The following DLGAP1 variants were observed in gnomAD, a reference collection of about 807,000 sequenced individuals.
DLGAP1 encodes disks large-associated protein 1.
Under a neutral mutation model 90.8 loss-of-function variants are expected in DLGAP1, and 11 were observed. That is an observed-to-expected ratio of 0.12 (90% CI 0.08 to 0.20). The LOEUF (loss-of-function observed/expected upper bound fraction) is 0.20, where lower values mean the gene tolerates loss of function less well. DLGAP1 is among the 10% of genes least tolerant of loss of function. DLGAP1 has a pLI of 1.00. For missense variants in DLGAP1, 1,050 were observed against 1,333.8 expected, an observed-to-expected ratio of 0.79 and a Z score of 3.31; for synonymous variants, 558 against 540.7, an observed-to-expected ratio of 1.03 and a Z score of -0.44.
intron 1 of DLGAP1, among the ~76,000 whole-genome samples, chr18:4,348,844 T>C (rs758106544): frequency 3.9e-5 from 6 of 152,120 alleles, no homozygotes; most frequent in Non-Finnish European, 7.4e-5. Flanking sequence ...CTTGAGTCCA[T>C]ACCACCAATA....
At chr18:3,646,650 C>T (rs1416206742) in intron 7 of DLGAP1, among the ~76,000 whole-genome samples, 1 of 151,896 alleles carries the variant, frequency 6.6e-6, no homozygotes, top group African/African-American at 2.4e-5. Context: ...AACAGCCGGG[C>T]ACGGTGGCTC....
chr18:3,824,488 T>C (rs2067600424), intron 4 of DLGAP1, among the ~76,000 whole-genome samples: 1 of 152,232 alleles, frequency 6.6e-6, no homozygotes, highest in African/African-American at 2.4e-5. Context: ...TAACAAATAG[T>C]ATAGCTAGAG....
intron 1 of DLGAP1, among the ~76,000 whole-genome samples, chr18:4,251,736 C>T (rs985897532): frequency 1.3e-5 from 2 of 152,180 alleles, no homozygotes; most frequent in African/African-American, 4.8e-5. Context: ...GACTCCCACT[C>T]TATAGTGAGC....
intron 9 of DLGAP1, among the ~76,000 whole-genome samples, chr18:3,550,934 GTTTCACCA>G (rs1402625172): frequency 6.6e-6 from 1 of 151,546 alleles, no homozygotes; most frequent in Non-Finnish European, 1.5e-5. Flanking sequence ...TAGAGACAGG[GTTTCACCA>G]TGTTGGCCAG....
intron 1 of DLGAP1, among the ~76,000 whole-genome samples, chr18:4,261,335 TC>T (rs1450065064): frequency 6.6e-6 from 1 of 152,080 alleles, no homozygotes; most frequent in Non-Finnish European, 1.5e-5. Context: ...TGACCTGGCT[TC>T]CCCCATCCTC....
rs545564894 is a variant in DLGAP1 at position 4,390,779 on chromosome 18, G to A, written c.-267+64227C>T. 2.6e-5 allele frequency among the ~76,000 whole-genome samples: 4 copies of A among 152,188 alleles called. No individual in the cohort carries two copies. The East Asian group carries it at 7.8e-4, about 30-fold the overall frequency. On this transcript the variant is annotated intron_variant, in intron 1 of 12. Transcript: ENST00000315677. ...CATCTTGGTTGCCTCCCAGTTTTTG[G>A]CAGTTATGAATAAAATTTCTATAAA... is the stretch of plus-strand genomic sequence containing the variant.
chr18:4,384,551 T>A (rs796843131), intron 1 of DLGAP1, among the ~76,000 whole-genome samples: 2 of 152,160 alleles, frequency 1.3e-5, no homozygotes, highest in South Asian at 4.1e-4. Context: ...AGCAATAGTG[T>A]GAGTTTTCCT....
intron 8 of DLGAP1, among the ~76,000 whole-genome samples, chr18:3,569,613 CT>C (rs1179200326): frequency 6.6e-6 from 1 of 151,882 alleles, no homozygotes; most frequent in African/African-American, 2.4e-5. Context: ...TTCATGTTAT[CT>C]TTTTTTCGTA....
intron 2 of DLGAP1, among the ~76,000 whole-genome samples, chr18:4,117,644 T>A (rs1410966886): frequency 6.6e-6 from 1 of 152,346 alleles, no homozygotes; most frequent in East Asian, 1.9e-4. Flanking sequence ...GCTTGGAGGC[T>A]GCTATTGCAA....
chr18:3,600,921 GATA>G, intron 7 of DLGAP1, among the ~76,000 whole-genome samples: 1 of 95,494 alleles, frequency 1.0e-5, no homozygotes, highest in African/African-American at 3.6e-5. Context: ...GATAGATATA[GATA>G]TATATAGATA....
At chr18:3,817,511 AC>A (rs1398511845) in intron 4 of DLGAP1, among the ~76,000 whole-genome samples, 1 of 152,244 alleles carries the variant, frequency 6.6e-6, no homozygotes, top group African/African-American at 2.4e-5. Flanking sequence ...ATAAAATAAT[AC>A]AGTAATCCGT....
chr18:3,496,239 A>T lies in DLGAP1; in HGVS notation c.*2946T>A, dbSNP rs899620568. 2.6e-5 allele frequency: 4 copies of T among 152,210 alleles called. No homozygotes were observed. Among genetic ancestry groups the T allele is most frequent in the Non-Finnish European group, 5.9e-5 (4 of 68,030 alleles). The allele number at this position is 152,210 out of a possible 1,614,324, so 9.4% of individuals were successfully genotyped here. ...CAAACCAAAATAATTTTTAAAAATT[A>T]CATTTGGGAATTCAGATATGCTAGT... On this transcript the variant is annotated 3_prime_UTR_variant, in exon 13 of 13. Transcript: ENST00000315677.
At chr18:3,641,873 C>G (rs2058958816) in intron 7 of DLGAP1, among the ~76,000 whole-genome samples, 1 of 152,054 alleles carries the variant, frequency 6.6e-6, no homozygotes, top group African/African-American at 2.4e-5. Context: ...GTCACTGGCT[C>G]TAAACCATGA....
chr18:4,108,722 T>G (rs1048533622), intron 2 of DLGAP1, among the ~76,000 whole-genome samples: 3 of 152,246 alleles, frequency 2.0e-5, no homozygotes, highest in Non-Finnish European at 2.9e-5. Flanking sequence ...CAGCATTTAA[T>G]AAAGGTGCTA....
At chr18:3,912,708 G>A (rs1430737979) in intron 3 of DLGAP1, among the ~76,000 whole-genome samples, 1 of 152,210 alleles carries the variant, frequency 6.6e-6, no homozygotes, top group African/African-American at 2.4e-5. Flanking sequence ...GTGGGAGGCT[G>A]GTGTGTCCAC....
At chr18:4,109,528 A>G (rs1375106115) in intron 2 of DLGAP1, among the ~76,000 whole-genome samples, 1 of 151,162 alleles carries the variant, frequency 6.6e-6, no homozygotes, top group East Asian at 1.9e-4. Flanking sequence ...CTCCTGCTTC[A>G]CTACTTGGAG....
intron 5 of DLGAP1, among the ~76,000 whole-genome samples, chr18:3,810,538 GA>G (rs200119022): frequency 2.3e-4 from 34 of 149,778 alleles, no homozygotes; most frequent in East Asian, 2.2e-3. Flanking sequence ...AGGAAGGAGG[GA>G]AAAAAAAATC....
At chr18:3,931,312 G>A (rs2072510785) in intron 3 of DLGAP1, among the ~76,000 whole-genome samples, 2 of 152,278 alleles carry the variant, frequency 1.3e-5, no homozygotes, top group Non-Finnish European at 1.5e-5. Context: ...CATTAGGCTG[G>A]TGGAAGCTGG....
At chr18:4,099,625 A>AC (rs2075746559) in intron 2 of DLGAP1, among the ~76,000 whole-genome samples, 2 of 151,608 alleles carry the variant, frequency 1.3e-5, no homozygotes, top group African/African-American at 4.8e-5. Context: ...TTTTACCTCA[A>AC]TGTTGGTGGC....
Sources: allele counts gnomAD v4.1 joint callset (sites outside exome capture counted in the v4.1 genomes callset), GRCh38; gene constraint gnomAD v4.1.1; transcripts MANE v1.5; gene names NCBI Gene and HGNC (gene_info 2026-07-23, HGNC 2026-07-21).